Variants in ADAMTSL1 observed in about 807,000 individuals in gnomAD.
ADAMTSL1 encodes ADAMTS like 1.
ADAMTSL1 carries 126 observed loss-of-function variants against 201.8 expected under a neutral mutation model. The observed-to-expected ratio is 0.62, with a 90% confidence interval of 0.54 to 0.72. The LOEUF (loss-of-function observed/expected upper bound fraction) is 0.72, where lower values mean the gene tolerates loss of function less well. ADAMTSL1 is among the 30% of genes least tolerant of loss of function. ADAMTSL1 has a pLI of 0.00. For synonymous variants in ADAMTSL1, 1,121 were observed against 903.4 expected (o/e 1.24, Z -4.32); for missense variants, 2,679 against 2,277.8 (o/e 1.18, Z -3.59).
intron 1 of ADAMTSL1, among the ~76,000 whole-genome samples, chr9:18,157,915 C>G (rs944358716): frequency 6.6e-6 from 1 of 151,982 alleles, no homozygotes; most frequent in Non-Finnish European, 1.5e-5. Flanking sequence ...TTTCTTCCCC[C>G]AGACAAGCCT....
intron 2 of ADAMTSL1, among the ~76,000 whole-genome samples, chr9:18,388,623 T>C (rs536674258): frequency 9.9e-5 from 15 of 152,188 alleles, no homozygotes; most frequent in African/African-American, 3.4e-4. Context: ...TTTTTTTTGT[T>C]TTAATTGCTT....
intron 2 of ADAMTSL1, among the ~76,000 whole-genome samples, chr9:18,456,424 C>T (rs1416743596): frequency 1.3e-5 from 2 of 152,082 alleles, no homozygotes; most frequent in East Asian, 3.9e-4. Context: ...ACTAGATTTT[C>T]CTTTTGGAAT....
chr9:18,615,923 C>A (rs1395135564), intron 4 of ADAMTSL1, among the ~76,000 whole-genome samples: 2 of 152,084 alleles, frequency 1.3e-5, no homozygotes, highest in Non-Finnish European at 2.9e-5. Context: ...GCACATGTGC[C>A]AGAATTTTGC....
chr9:18,136,551 G>A (rs920840879), intron 1 of ADAMTSL1, among the ~76,000 whole-genome samples: 15 of 152,144 alleles, frequency 9.9e-5, no homozygotes, highest in African/African-American at 3.4e-4. Flanking sequence ...GAATCACACC[G>A]CTATGGCACA....
At chr9:18,158,143 G>C (rs1827235096) in intron 1 of ADAMTSL1, among the ~76,000 whole-genome samples, 1 of 151,938 alleles carries the variant, frequency 6.6e-6, no homozygotes, top group Admixed American at 6.6e-5. Context: ...CCAGAGGTTT[G>C]GGTGTGTTTG....
chr9:18,250,141 A>T (rs1385090238), intron 2 of ADAMTSL1, among the ~76,000 whole-genome samples: 1 of 152,178 alleles, frequency 6.6e-6, no homozygotes, highest in Non-Finnish European at 1.5e-5. Flanking sequence ...AAATTTTCTC[A>T]TTCTATTTTA....
chr9:18,614,934 T>C (rs1825606063), intron 4 of ADAMTSL1, among the ~76,000 whole-genome samples: 1 of 152,150 alleles, frequency 6.6e-6, no homozygotes, highest in Non-Finnish European at 1.5e-5. Context: ...TTCCATCTAC[T>C]CAAAACACTG....
chr9:18,777,333 C>T lies in ADAMTSL1; in HGVS notation c.3104C>T (p.Pro1035Leu), dbSNP rs1385783666. ...CGGCTGCTGGAGCAGGGCGGCTGGC[C>T]CGGAGAGCTGCTGGCCTCGTGGGAG... ...VSRLLEQGGW[P>L]GELLASWEAQ... Residue 1035 changes from proline to leucine, a missense_variant, in exon 19 of 29, where the codon CCC (proline) becomes CTC (leucine). Pro to Leu is a moderately conservative substitution (Grantham distance 98, BLOSUM62 -3). Transcript: ENST00000380548. The T allele has an allele frequency of 6.2e-7, 1 of 1,601,444 alleles. No homozygotes were observed. Among genetic ancestry groups the T allele is most frequent in the East Asian group, 2.3e-5 (1 of 44,340 alleles).
intron 2 of ADAMTSL1, among the ~76,000 whole-genome samples, chr9:18,412,202 G>A (rs79290892): frequency 5.3e-5 from 8 of 152,062 alleles, no homozygotes; most frequent in African/African-American, 1.4e-4. Context: ...TTTAGGTTCC[G>A]TTTTTCCGGC....
intron 2 of ADAMTSL1, among the ~76,000 whole-genome samples, chr9:18,526,220 CT>C (rs1165323064): frequency 6.6e-6 from 1 of 152,108 alleles, no homozygotes; most frequent in Non-Finnish European, 1.5e-5. Flanking sequence ...CTCTTTTGAT[CT>C]TTGTTGATTT....
intron 2 of ADAMTSL1, among the ~76,000 whole-genome samples, chr9:18,166,475 A>C (rs1416846638): frequency 6.6e-6 from 1 of 151,974 alleles, no homozygotes; most frequent in Non-Finnish European, 1.5e-5. Context: ...GAATGACTTC[A>C]GTTTTTAATG....
At chr9:18,279,871 G>A (rs1230520533) in intron 2 of ADAMTSL1, among the ~76,000 whole-genome samples, 3 of 152,118 alleles carry the variant, frequency 2.0e-5, no homozygotes, top group Non-Finnish European at 2.9e-5. Flanking sequence ...CCTGGATCCC[G>A]GGGCCACCAG....
At chr9:18,042,679 T>C (rs1471926633) in intron 1 of ADAMTSL1, among the ~76,000 whole-genome samples, 3 of 152,200 alleles carry the variant, frequency 2.0e-5, no homozygotes, top group Non-Finnish European at 4.4e-5. Flanking sequence ...TGTGTGTTTC[T>C]TTCTGGAAGC....
chr9:18,376,434 T>C (rs920928576), intron 2 of ADAMTSL1, among the ~76,000 whole-genome samples: 5 of 151,950 alleles, frequency 3.3e-5, no homozygotes, highest in Admixed American at 6.6e-5. Context: ...AAGAATAACT[T>C]GAGAGATACT....
chr9:18,231,852 C>T (rs1165477816), intron 2 of ADAMTSL1, among the ~76,000 whole-genome samples: 1 of 152,222 alleles, frequency 6.6e-6, no homozygotes, highest in Non-Finnish European at 1.5e-5. Context: ...GCAAATACTA[C>T]TAACTCCACC....
chr9:18,484,316 T>C (rs1821879505), intron 1 of ADAMTSL1, among the ~76,000 whole-genome samples: 1 of 152,224 alleles, frequency 6.6e-6, no homozygotes. Flanking sequence ...TTAAACTGTA[T>C]ATTTAACTAT....
At position 18,491,758 on chromosome 9, in the gene ADAMTSL1, A is replaced by G. The variant is rs185670100; in HGVS notation, c.64-13071A>G. Among the ~76,000 whole-genome samples, 288 of 152,296 alleles carry G rather than the reference A, an allele frequency of 1.9e-3. 4 individuals are homozygous for G. Among genetic ancestry groups the G allele is most frequent in the Non-Finnish European group, 8.4e-4 (57 of 68,026 alleles). ...CCCCAAAACGTAAATATTTCTGTTG[A>G]CTGGAAGATAGGAAGAGATGACTGC... On this transcript the variant is annotated intron_variant, in intron 1 of 28. Transcript: ENST00000380548.
intron 2 of ADAMTSL1, among the ~76,000 whole-genome samples, chr9:18,278,898 C>G (rs1429960591): frequency 6.6e-6 from 1 of 151,930 alleles, no homozygotes; most frequent in Non-Finnish European, 1.5e-5. Context: ...TTTCAAATGA[C>G]CTGTCTTTGA....
At chr9:18,652,028 G>C (rs534401614) in intron 7 of ADAMTSL1, among the ~76,000 whole-genome samples, 108 of 152,060 alleles carry the variant, frequency 7.1e-4, no homozygotes, top group African/African-American at 2.6e-3. Context: ...TAAAAGACTA[G>C]ATAGACAGTT....
Sources: allele counts gnomAD v4.1 joint callset (sites outside exome capture counted in the v4.1 genomes callset), GRCh38; gene constraint gnomAD v4.1.1; transcripts MANE v1.5; gene names NCBI Gene and HGNC (gene_info 2026-07-23, HGNC 2026-07-21).